ZNF212: variants seen among roughly 807,000 people sequenced by gnomAD.
ZNF212 encodes zinc finger protein 212.
Under a neutral mutation model 47.3 loss-of-function variants are expected in ZNF212, and 32 were observed. The observed-to-expected ratio is 0.68, with a 90% confidence interval of 0.51 to 0.91. The LOEUF (loss-of-function observed/expected upper bound fraction) is 0.91, where lower values mean the gene tolerates loss of function less well. ZNF212 is among the 40% of genes least tolerant of loss of function. ZNF212 has a pLI of 0.00. For missense variants in ZNF212, 555 were observed against 622.8 expected, an observed-to-expected ratio of 0.89 and a Z score of 1.16; for synonymous variants, 242 against 253.8, an observed-to-expected ratio of 0.95 and a Z score of 0.44.
intron 1 of ZNF212, among the ~76,000 whole-genome samples, chr7:149,245,133 G>A (rs893736512): frequency 6.6e-6 from 1 of 152,130 alleles, no homozygotes; most frequent in Non-Finnish European, 1.5e-5. Flanking sequence ...TGGATCATTT[G>A]AGGTCAGGAG....
At chr7:149,248,952 C>CT (rs1408699203) in intron 1 of ZNF212, among the ~76,000 whole-genome samples, 1 of 152,144 alleles carries the variant, frequency 6.6e-6, no homozygotes. Context: ...CCCAGCAGTT[C>CT]TTTCCGAGAT....
intron 3 of ZNF212, among the ~76,000 whole-genome samples, chr7:149,251,779 C>G (rs532510788): frequency 6.6e-6 from 1 of 151,804 alleles, no homozygotes; most frequent in Non-Finnish European, 1.5e-5. Context: ...CGTGAGCCTC[C>G]GCACCTGGCC....
rs1003915674 is a variant in ZNF212, at chr7:149,239,815, C to T, written c.24+13C>T. The T allele has an allele frequency of 9.4e-6, 12 of 1,273,026 alleles. 1 individual carries two copies. Among genetic ancestry groups the T allele is most frequent in the African/African-American group, 1.5e-5 (1 of 65,384 alleles). The allele number at this position is 1,273,026 out of a possible 1,614,324, so 78.9% of individuals were successfully genotyped here. A position where few individuals can be genotyped will look rare whatever the true frequency, so the allele number is the denominator to read the frequency against. On this transcript the variant is annotated intron_variant, in intron 1 of 4. Transcript: ENST00000335870. ...GGCGCCTGCTCGGGTAAAGAGGCAC[C>T]GGCGCGCTGGCTCGAGGGCGCGTTG...
At chr7:149,248,856 G>C (rs1486179646) in intron 1 of ZNF212, among the ~76,000 whole-genome samples, 4 of 152,182 alleles carry the variant, frequency 2.6e-5, no homozygotes, top group African/African-American at 9.7e-5. Context: ...TGAGTAACTA[G>C]AGTAGGTCAT....
chr7:149,243,457 A>T (rs1796627948), intron 1 of ZNF212, among the ~76,000 whole-genome samples: 2 of 144,694 alleles, frequency 1.4e-5, no homozygotes, highest in South Asian at 4.3e-4. Flanking sequence ...AAAAAAAAAA[A>T]AAGAGAGAGA....
At position 149,254,463 on chromosome 7, in the gene ZNF212, T is replaced by C. The variant is rs1194772040; in HGVS notation, c.*48T>C. 6.5e-7 allele frequency: 1 copy of C among 1,542,214 alleles called. No individual in the cohort carries two copies. Among genetic ancestry groups the C allele is most frequent in the South Asian group, 1.2e-5 (1 of 80,150 alleles). ...GGGGGATGGAGGGGGGTGGCATTGG[T>C]TCCCCCGAAGAGACACTGCAGTCAG... On this transcript the variant is annotated 3_prime_UTR_variant, in exon 5 of 5. Transcript: ENST00000335870. This position sits in a 1 kb window ranked among gnomAD's most constrained non-coding sequence, Gnocchi z 4.5.
chr7:149,240,785 G>A (rs1281727094), intron 1 of ZNF212, among the ~76,000 whole-genome samples: 1 of 152,216 alleles, frequency 6.6e-6, no homozygotes, highest in African/African-American at 2.4e-5. Context: ...TTGTGAGAAT[G>A]GAGGGCTAAG....
At chr7:149,240,397 C>G (rs1002472843) in intron 1 of ZNF212, among the ~76,000 whole-genome samples, 1 of 143,516 alleles carries the variant, frequency 7.0e-6, no homozygotes, top group East Asian at 2.0e-4. Flanking sequence ...CCCCCCAACA[C>G]CCCCCTCCCA....
intron 3 of ZNF212, among the ~76,000 whole-genome samples, chr7:149,251,491 C>CTTTTTTTTTTTTTT (rs71194634): frequency 1.3e-5 from 1 of 77,434 alleles, no homozygotes; most frequent in South Asian, 4.9e-4. Context: ...CCTGTTTTAT[C>CTTTTTTTTTTTTTT]TTTTTTTTTT....
chr7:149,241,827 C>G (rs1390143508), intron 1 of ZNF212, among the ~76,000 whole-genome samples: 12 of 152,044 alleles, frequency 7.9e-5, no homozygotes, highest in Admixed American at 6.6e-4. Flanking sequence ...CTAAGAAGCT[C>G]CCTAACCCAA....
At position 149,239,675 on chromosome 7, in the gene ZNF212, C is replaced by CGGT. The variant is rs1554473427; in HGVS notation, c.-102_-101insTGG. On this transcript the variant is annotated 5_prime_UTR_variant, in exon 1 of 5. Coordinates refer to ENST00000335870, the MANE Select transcript of ZNF212 (RefSeq NM_012256.4). ...CAGAATGCACCTGGCATCAACACGG[C>CGGT]GGCGGCGGCGGCGGCTTCCAACAGG... is the stretch of plus-strand genomic sequence containing the variant. The CGGT allele has an allele frequency of 3.9e-6, 5 of 1,270,970 alleles. No homozygotes were observed. Among genetic ancestry groups the CGGT allele is most frequent in the African/African-American group, 1.6e-5 (1 of 64,084 alleles). 78.7% of individuals were successfully genotyped at this position (1,270,970 alleles called of 1,614,324 possible).
At chr7:149,246,037 G>A (rs1339057152) in intron 1 of ZNF212, among the ~76,000 whole-genome samples, 1 of 152,140 alleles carries the variant, frequency 6.6e-6, no homozygotes, top group Non-Finnish European at 1.5e-5. Context: ...TTGTAAGGTG[G>A]TTGTGTTTTC....
intron 3 of ZNF212, among the ~76,000 whole-genome samples, chr7:149,251,058 T>G (rs1369610844): frequency 6.6e-6 from 1 of 152,016 alleles, no homozygotes; most frequent in Non-Finnish European, 1.5e-5. Flanking sequence ...TTGTGTTTTT[T>G]TTTTTTTTTT....
intron 1 of ZNF212, among the ~76,000 whole-genome samples, chr7:149,242,136 C>G (rs1433064472): frequency 2.0e-5 from 3 of 150,980 alleles, no homozygotes; most frequent in African/African-American, 7.3e-5. Context: ...ATTCTCCTGC[C>G]TCAGCCTCCG....
rs753712150 is a variant in ZNF212, at chr7:149,250,452, A to C, written c.318A>C (p.Leu106=). Reference sequence around the variant, plus strand: ...GGACCCTGCTGCAGGAGTATGGGCTACTGCAGAGGCGGCTGGAGAACGTGG... The same window carrying C: ...GGACCCTGCTGCAGGAGTATGGGCTCCTGCAGAGGCGGCTGGAGAACGTGG... The part of the protein sequence containing the change: ...VLGTLLQEYG[L]LQRRLENVEN... The change falls in exon 2 of 5, where the codon CTA becomes CTC. Residue 106 remains leucine, a synonymous_variant. Transcript: ENST00000335870. 6.2e-7 allele frequency: 1 copy of C among 1,614,172 alleles called. No individual in the cohort carries two copies. The highest frequency in any genetic ancestry group is 1.7e-5 in the Admixed American group (1 of 60,030).
In ZNF212 at chr7:149,254,013, G is replaced by C. The variant is rs1186082412; in HGVS notation, c.1086G>C (p.Gln362His). Reference protein sequence around the residue: ...SLRPRPRLKPQTKKAKLHQCD... With the variant: ...SLRPRPRLKPHTKKAKLHQCD... The stretch of plus-strand genomic sequence containing the variant: ...GGCCCAGGCCACGGCTGAAACCACA[G>C]ACCAAAAAGGCCAAGCTGCATCAGT... Residue 362 changes from glutamine (Q) to histidine (H), a missense_variant, in exon 5 of 5, where the codon CAG becomes CAC. Physicochemically the swap from Gln to His is conservative, Grantham distance 24. Coordinates refer to ENST00000335870, the MANE Select transcript of ZNF212 (RefSeq NM_012256.4). The surrounding 1 kb of genome is among the most constrained non-coding windows in gnomAD (Gnocchi z 4.5). The C allele has an allele frequency of 6.2e-7, 1 of 1,613,102 alleles. No individual in the cohort carries two copies. The highest frequency in any genetic ancestry group is 8.5e-7 in the Non-Finnish European group (1 of 1,179,496).
intron 1 of ZNF212, among the ~76,000 whole-genome samples, chr7:149,247,115 C>CTT (rs80328578): frequency 7.2e-6 from 1 of 138,744 alleles, no homozygotes. Context: ...CCCGGCCCTT[C>CTT]TTTTTTTTTT....
Position 149,252,800 on chromosome 7 carries a change from G to A in ZNF212, c.631+5G>A, listed in dbSNP as rs1286623587. On this transcript the variant is annotated splice_donor_5th_base_variant and intron_variant, in intron 4 of 4. Transcript: ENST00000335870. Reference sequence around the variant, plus strand: ...GTCCTGGTGGTGCCCACCCAGGTGAGTGGCTCTGGAATATTCTGTTCCCCT... The same window carrying A: ...GTCCTGGTGGTGCCCACCCAGGTGAATGGCTCTGGAATATTCTGTTCCCCT... The A allele has an allele frequency of 1.2e-6, 2 of 1,613,718 alleles. No individual in the cohort carries two copies. Among genetic ancestry groups the A allele is most frequent in the South Asian group, 1.1e-5 (1 of 91,016 alleles).
intron 1 of ZNF212, among the ~76,000 whole-genome samples, chr7:149,245,006 G>A (rs984135089): frequency 1.3e-5 from 2 of 152,126 alleles, no homozygotes; most frequent in Non-Finnish European, 2.9e-5. Context: ...GTTGATGGTT[G>A]GAATAGATAC....
Sources: gnomAD v4.1 joint callset for allele counts (sites outside exome capture counted in the v4.1 genomes callset) on GRCh38, gnomAD v4.1.1 for gene constraint, Gnocchi (gnomAD v3.1) non-coding constraint, MANE v1.5 for transcripts, NCBI Gene and HGNC (gene_info 2026-07-23, HGNC 2026-07-21) for gene names.